Variants in YAF2 observed in about 807,000 individuals in gnomAD.
YAF2 encodes the protein YY1-associated factor 2.
YAF2 carries 7 observed loss-of-function variants against 20.1 expected under a neutral mutation model. The ratio of observed to expected loss-of-function variants is 0.35; its 90% CI spans 0.20 to 0.65. The LOEUF (loss-of-function observed/expected upper bound fraction) is 0.65. Among genes scored for constraint, YAF2 ranks in the 30% least tolerant of loss-of-function variants. The probability of loss-of-function intolerance (pLI) is 0.69; values close to 1 mark genes in which losing one functional copy is unlikely to be tolerated. For synonymous variants in YAF2, 74 were observed against 76.0 expected (o/e 0.97, Z 0.14); for missense variants, 151 against 219.2 (o/e 0.69, Z 1.96).
At chr12:42,235,791 G>A (rs1164944509) in intron 2 of YAF2, 4 of 1,535,444 alleles carry the variant, frequency 2.6e-6, no homozygotes, top group Non-Finnish European at 3.5e-6. Context: ...GCCCCCATGT[G>A]GGCCTCAAGC....
At chr12:42,169,540 A>G (rs923312196) in intron 2 of YAF2, among the ~76,000 whole-genome samples, 1 of 151,736 alleles carries the variant, frequency 6.6e-6, no homozygotes, top group Non-Finnish European at 1.5e-5. Flanking sequence ...CAGCCTCCCA[A>G]GTAGCTAGGA....
intron 2 of YAF2, among the ~76,000 whole-genome samples, chr12:42,168,099 CTT>C: frequency 6.6e-6 from 1 of 151,900 alleles, no homozygotes; most frequent in South Asian, 2.1e-4. Context: ...TTCTGTTACA[CTT>C]TTGTCTCACA....
At chr12:42,232,629 T>C (rs1040702372) in intron 2 of YAF2, 6 of 985,306 alleles carry the variant, frequency 6.1e-6, no homozygotes, top group Non-Finnish European at 7.2e-6. Context: ...AGGACTTATG[T>C]AGATGGTCCT....
rs781431037 is a variant in YAF2 at position 42,160,558 on chromosome 12, G to T, written c.*31C>A. 9.6e-6 allele frequency: 15 copies of T among 1,559,164 alleles called. No homozygotes were observed. The highest frequency in any genetic ancestry group is 3.4e-5 in the Admixed American group (2 of 59,302). On this transcript the variant is annotated 3_prime_UTR_variant, in exon 4 of 4. Transcript: ENST00000534854. ...ATCTGTGTATTTGCATGGTAGGACA[G>T]AAGTGACTAAGAAATTGGAGAAAAT...
At chr12:42,204,954 T>C (rs2066998369) in intron 2 of YAF2, among the ~76,000 whole-genome samples, 1 of 152,064 alleles carries the variant, frequency 6.6e-6, no homozygotes, top group Non-Finnish European at 1.5e-5. Flanking sequence ...ATGACTATAG[T>C]AATTCTTGGC....
chr12:42,227,325 C>T lies in YAF2; in HGVS notation c.152+10274G>A, dbSNP rs1220805113. 6.7e-4 allele frequency among the ~76,000 whole-genome samples: 44 copies of T among 66,082 alleles called. No homozygotes were observed. The African/African-American group carries it at 7.5e-3, about 11-fold the overall frequency. The allele number at this position is 66,082 out of a possible 152,430, so 43.4% of individuals were successfully genotyped here. On this transcript the variant is annotated intron_variant, in intron 2 of 3. Transcript: ENST00000534854. ...ATCGTCTGCGACGTGAGGAGCCCCT[C>T]TGCCTGGCTGCCCAGTCTGGAAAGT...
rs12319084 is a variant in YAF2 at position 42,209,684 on chromosome 12, A to G, written c.152+27915T>C. 9.9e-3 allele frequency among the ~76,000 whole-genome samples: 1,514 copies of G among 152,272 alleles called. 28 individuals carry two copies. The highest frequency in any genetic ancestry group is 0.035 in the African/African-American group (1,441 of 41,552). The stretch of plus-strand genomic sequence containing the variant: ...ATGACATCTGCATAAATTTTACAAT[A>G]TAAGTATTTACTTCAAAAAAGCAAC... On this transcript the variant is annotated intron_variant, in intron 2 of 3. Transcript: ENST00000534854.
intron 2 of YAF2, chr12:42,235,861 T>C: frequency 1.3e-6 from 2 of 1,535,906 alleles, no homozygotes; most frequent in Admixed American, 2.0e-5. Context: ...ACTATATTCC[T>C]TCTTCTTCCA....
At chr12:42,223,662 G>A (rs1440809781) in intron 2 of YAF2, among the ~76,000 whole-genome samples, 1 of 152,036 alleles carries the variant, frequency 6.6e-6, no homozygotes, top group Non-Finnish European at 1.5e-5. Context: ...CGCCCCACCA[G>A]AAGTGCTTTA....
At chr12:42,233,978 C>T in intron 2 of YAF2, 1 of 902,448 alleles carries the variant, frequency 1.1e-6, no homozygotes, top group Non-Finnish European at 1.3e-6. Flanking sequence ...TGAGACCAGC[C>T]TGGCCAGCAT....
chr12:42,178,216 G>A (rs527422491), intron 2 of YAF2, among the ~76,000 whole-genome samples: 27 of 151,972 alleles, frequency 1.8e-4, no homozygotes, highest in Admixed American at 9.2e-4. Flanking sequence ...TGATCCTATC[G>A]CACTTGTTTT....
intron 2 of YAF2, among the ~76,000 whole-genome samples, chr12:42,230,100 T>C (rs1410667230): frequency 6.6e-6 from 1 of 151,824 alleles, no homozygotes; most frequent in Non-Finnish European, 1.5e-5. Flanking sequence ...CTACTAAAAA[T>C]AAAAAAATTA....
chr12:42,215,082 C>T (rs375919542), intron 2 of YAF2, among the ~76,000 whole-genome samples: 1 of 152,172 alleles, frequency 6.6e-6, no homozygotes, highest in African/African-American at 2.4e-5. Flanking sequence ...AACTCCATTA[C>T]CTAGCCCAGC....
chr12:42,205,478 C>T (rs1282761274), intron 2 of YAF2, among the ~76,000 whole-genome samples: 1 of 151,896 alleles, frequency 6.6e-6, no homozygotes, highest in East Asian at 1.9e-4. Flanking sequence ...TGTGTTCAAG[C>T]AATTCTCTGC....
chr12:42,238,226 T>C lies in YAF2; in HGVS notation c.-46A>G, dbSNP rs749865478. ...CCGAGAGTCGCCGCCGCGACCGCTC[T>C]GTTTGTCAATAAGGAGGATAATAAG... is the stretch of plus-strand genomic sequence containing the variant. On this transcript the variant is annotated 5_prime_UTR_variant, in exon 1 of 4. Coordinates refer to ENST00000534854, the MANE Select transcript of YAF2 (RefSeq NM_005748.6). 3.4e-6 allele frequency: 5 copies of C among 1,488,774 alleles called. No homozygotes were observed. Among genetic ancestry groups the C allele is most frequent in the East Asian group, 2.9e-5 (1 of 34,980 alleles). The allele number at this position is 1,488,774 out of a possible 1,614,324, so 92.2% of individuals were successfully genotyped here.
chr12:42,212,828 C>A (rs2067250372), intron 2 of YAF2, among the ~76,000 whole-genome samples: 1 of 152,156 alleles, frequency 6.6e-6, no homozygotes, highest in African/African-American at 2.4e-5. Context: ...TAAATCCATT[C>A]ACTTTTAAAT....
chr12:42,180,455 T>C (rs1265563811), intron 2 of YAF2, among the ~76,000 whole-genome samples: 1 of 152,124 alleles, frequency 6.6e-6, no homozygotes, highest in East Asian at 1.9e-4. Flanking sequence ...GTCGGGACCC[T>C]TGAGAGAGCT....
intron 2 of YAF2, among the ~76,000 whole-genome samples, chr12:42,228,105 G>A (rs1592056272): frequency 1.2e-5 from 1 of 86,064 alleles, no homozygotes; most frequent in African/African-American, 5.0e-5. Flanking sequence ...GGGAAGTGAG[G>A]AGCCCCTCTG....
chr12:42,162,379 G>A (rs985606897), intron 2 of YAF2, among the ~76,000 whole-genome samples: 4 of 152,078 alleles, frequency 2.6e-5, no homozygotes, highest in African/African-American at 9.7e-5. Flanking sequence ...TATTTATTGA[G>A]GACCTACTGT....
Sources: allele counts gnomAD v4.1 joint callset (sites outside exome capture counted in the v4.1 genomes callset), GRCh38; gene constraint gnomAD v4.1.1; transcripts MANE v1.5; gene names NCBI Gene and HGNC (gene_info 2026-07-23, HGNC 2026-07-21).